FAT3: variants seen among roughly 807,000 people sequenced by gnomAD.
FAT3 encodes the protein FAT atypical cadherin 3.
In FAT3, 95 loss-of-function variants were observed where a neutral mutation model predicts 310.2. That is an observed-to-expected ratio of 0.31 (90% CI 0.26 to 0.36). FAT3 has a LOEUF of 0.36. Among genes scored for constraint, FAT3 ranks in the 10% least tolerant of loss-of-function variants. The pLI is 1.00. For missense variants in FAT3, 5,408 were observed against 5,715.6 expected (o/e 0.95, Z 1.74); for synonymous variants, 2,314 against 2,192.9 (o/e 1.06, Z -1.54).
rs2136189834 is a variant in FAT3 at position 92,801,522 on chromosome 11, A to G, written c.8509A>G (p.Arg2837Gly). The G allele has an allele frequency of 6.2e-7, 1 of 1,610,224 alleles. No individual in the cohort carries two copies. The highest frequency in any genetic ancestry group is 2.2e-5 in the East Asian group (1 of 44,730). The change falls in exon 10 of 28, where the codon AGA becomes GGA. Residue 2837 changes from arginine to glycine, a missense_variant. Transcript: ENST00000525166. ...TGTTGGCACCAAACTCACACAAGTG[A>G]GAGCTATTGATATGGACTGGGGAGC... ...MPVGTKLTQV[R>G]AIDMDWGANG... is the part of the protein sequence containing the mutation.
At chr11:92,776,948 T>G (rs1223850782) in intron 7 of FAT3, among the ~76,000 whole-genome samples, 2 of 152,184 alleles carry the variant, frequency 1.3e-5, no homozygotes, top group Admixed American at 1.3e-4. Context: ...TACCACGGCT[T>G]TCCCAGCAGT....
In FAT3 at chr11:92,611,542, G is replaced by T. The variant is rs1245316152; in HGVS notation, c.3608-85842G>T. 2.6e-5 allele frequency among the ~76,000 whole-genome samples: 4 copies of T among 152,094 alleles called. No individual in the cohort carries two copies. The East Asian group carries it at 7.7e-4, about 29-fold the overall frequency. ...TGTGCCTCAGCATCCCAAGTTGGTG[G>T]AACTACGGGCCCAGCTAACTTTTGT... On this transcript the variant is annotated intron_variant, in intron 3 of 27. Transcript: ENST00000525166.
At position 92,872,457 on chromosome 11, in the gene FAT3, A is replaced by G. The variant is rs1949413142; in HGVS notation, c.12127+5248A>G. On this transcript the variant is annotated intron_variant, in intron 22 of 27. Transcript: ENST00000525166. ...CTCCCAGTAAATATGCTGTGGACAT[A>G]ATTTGGCTGAGCTTTTCAGCTTATG... Among the ~76,000 whole-genome samples the G allele has an allele frequency of 1.3e-5, 2 of 152,206 alleles. 1 individual carries two copies. The highest frequency in any genetic ancestry group is 4.1e-4 in the South Asian group (2 of 4,822).
chr11:92,351,170 C>G (rs187234860), intron 1 of FAT3, among the ~76,000 whole-genome samples: 3 of 152,098 alleles, frequency 2.0e-5, no homozygotes, highest in African/African-American at 7.2e-5. Context: ...CTCCCTTGTT[C>G]TGAATAGTTC....
intron 2 of FAT3, among the ~76,000 whole-genome samples, chr11:92,431,838 A>T (rs967980632): frequency 6.6e-6 from 1 of 152,058 alleles, no homozygotes; most frequent in African/African-American, 2.4e-5. Flanking sequence ...TGAGGGCTCT[A>T]TTCTATTCCA....
intron 4 of FAT3, among the ~76,000 whole-genome samples, chr11:92,731,619 T>G (rs189544360): frequency 1.3e-5 from 2 of 152,242 alleles, no homozygotes; most frequent in East Asian, 3.9e-4. Context: ...GGCTTTCATA[T>G]CATCTAAAGT....
At chr11:92,500,202 A>G (rs1413352001) in intron 2 of FAT3, among the ~76,000 whole-genome samples, 1 of 152,032 alleles carries the variant, frequency 6.6e-6, no homozygotes, top group Non-Finnish European at 1.5e-5. Flanking sequence ...CATATCATAT[A>G]TTTATTTTTC....
At chr11:92,889,637 C>T (rs910871494) in intron 26 of FAT3, among the ~76,000 whole-genome samples, 11 of 152,146 alleles carry the variant, frequency 7.2e-5, no homozygotes, top group Admixed American at 7.2e-4. Context: ...TTATTAGTAA[C>T]TTAATAAAAT....
chr11:92,836,820 A>G (rs1948421251), intron 16 of FAT3, 117 bp downstream of exon 16: 4 of 1,209,110 alleles, frequency 3.3e-6, no homozygotes, highest in Non-Finnish European at 4.6e-6. Context: ...ATGAGAGTAA[A>G]TAAGGATGGG....
chr11:92,832,490 G>A (rs1948290088), intron 14 of FAT3, among the ~76,000 whole-genome samples: 1 of 152,016 alleles, frequency 6.6e-6, no homozygotes, highest in Admixed American at 6.6e-5. Flanking sequence ...AGACCACAGA[G>A]TGCCCTCCAG....
chr11:92,401,005 A>G lies in FAT3; in HGVS notation c.3292+45601A>G, dbSNP rs1241069179. Among the ~76,000 whole-genome samples the G allele has an allele frequency of 2.0e-5, 3 of 152,324 alleles. No individual in the cohort carries two copies. The East Asian group carries it at 5.8e-4, about 29-fold the overall frequency. ...ATCTGAAAAGATTAAAACCATAAAG[A>G]AGGAGACACCTTGTTTCAACCGTGA... On this transcript the variant is annotated intron_variant, in intron 2 of 27. Transcript: ENST00000525166.
intron 4 of FAT3, among the ~76,000 whole-genome samples, chr11:92,732,410 A>G (rs1004330790): frequency 3.3e-5 from 5 of 152,212 alleles, no homozygotes; most frequent in African/African-American, 4.8e-5. Flanking sequence ...TTAATCCTGT[A>G]AGCATATTTT....
intron 2 of FAT3, among the ~76,000 whole-genome samples, chr11:92,379,830 T>C (rs1161303978): frequency 1.3e-5 from 2 of 152,120 alleles, no homozygotes; most frequent in African/African-American, 4.8e-5. Context: ...AGTGGAAGAA[T>C]TTTGGTTTCT....
intron 1 of FAT3, among the ~76,000 whole-genome samples, chr11:92,280,165 A>C (rs1946385243): frequency 6.6e-6 from 1 of 152,174 alleles, no homozygotes; most frequent in South Asian, 2.1e-4. Context: ...AACATTAGTG[A>C]CTTGCTCAAG....
rs560272290 is a variant in FAT3, at chr11:92,544,387, G to C, written c.3607+19439G>C. Among the ~76,000 whole-genome samples, 7 of 152,256 alleles carry C rather than the reference G, an allele frequency of 4.6e-5. No homozygotes were observed. The East Asian group carries it at 9.7e-4, about 21-fold the overall frequency. ...ATAAGTCAAATGTTTCTAGTATAAAGAAAAGACAAATATTTCAGGTGATGG... is the reference window on the plus strand; with the variant it reads ...ATAAGTCAAATGTTTCTAGTATAAACAAAAGACAAATATTTCAGGTGATGG... On this transcript the variant is annotated intron_variant, in intron 3 of 27. Transcript: ENST00000525166.
chr11:92,297,611 G>T (rs937834008), intron 1 of FAT3, among the ~76,000 whole-genome samples: 1 of 152,084 alleles, frequency 6.6e-6, no homozygotes, highest in African/African-American at 2.4e-5. Context: ...GAGCAGTAAA[G>T]AGCTTCCACC....
At chr11:92,456,848 T>G (rs920078608) in intron 2 of FAT3, among the ~76,000 whole-genome samples, 3 of 152,098 alleles carry the variant, frequency 2.0e-5, no homozygotes, top group Admixed American at 2.0e-4. Flanking sequence ...CTTCCATTTT[T>G]GGGCATGTGT....
intron 3 of FAT3, among the ~76,000 whole-genome samples, chr11:92,570,507 A>G (rs541945249): frequency 6.6e-6 from 1 of 152,290 alleles, no homozygotes; most frequent in East Asian, 1.9e-4. Context: ...GGGCCCTTGT[A>G]TACCCATCCT....
intron 3 of FAT3, among the ~76,000 whole-genome samples, chr11:92,550,770 C>CTT (rs11472875): frequency 0.025 from 3,491 of 142,060 alleles, 122 homozygotes; most frequent in African/African-American, 0.074. Context: ...CCACATTTAT[C>CTT]TTTTTTTTTT....
Sources: allele counts gnomAD v4.1 joint callset (sites outside exome capture counted in the v4.1 genomes callset), GRCh38; gene constraint gnomAD v4.1.1; transcripts MANE v1.5; gene names NCBI Gene and HGNC (gene_info 2026-07-23, HGNC 2026-07-21).